The following COPB2 variants were observed in gnomAD, a reference collection of about 807,000 sequenced individuals.
COPB2 encodes the protein coat protein complex I subunit beta 2.
In COPB2, 16 loss-of-function variants were observed where a neutral mutation model predicts 120.8. That is an observed-to-expected ratio of 0.13 (90% CI 0.09 to 0.20). The LOEUF is 0.20. COPB2 is among the 10% of genes least tolerant of loss of function. COPB2 has a pLI of 1.00. For missense variants in COPB2, 794 were observed against 1,076.5 expected, an observed-to-expected ratio of 0.74 and a Z score of 3.67; for synonymous variants, 332 against 366.3, an observed-to-expected ratio of 0.91 and a Z score of 1.07.
chr3:139,364,309 C>A (rs1941478286), intron 15 of COPB2, among the ~76,000 whole-genome samples: 1 of 152,024 alleles, frequency 6.6e-6, no homozygotes. Flanking sequence ...CCCACCTCCC[C>A]TCTCTCACCT....
chr3:139,366,856 C>A, intron 14 of COPB2, 81 bp from the exon 15 acceptor site: 1 of 1,510,174 alleles, frequency 6.6e-7, no homozygotes, highest in Non-Finnish European at 9.1e-7. Context: ...CCCTCTTGCT[C>A]AAAACCTTCC....
intron 4 of COPB2, among the ~76,000 whole-genome samples, 184 bp from the exon 5 acceptor site, chr3:139,378,373 C>A (rs1299284611): frequency 2.0e-5 from 3 of 151,954 alleles, no homozygotes; most frequent in Middle Eastern, 3.4e-3. Flanking sequence ...TAACTCTCTA[C>A]AGAAAAGTGG....
intron 5 of COPB2, among the ~76,000 whole-genome samples, chr3:139,377,524 C>T (rs1352691960): frequency 6.6e-6 from 1 of 152,194 alleles, no homozygotes; most frequent in Non-Finnish European, 1.5e-5. Flanking sequence ...TAGGAGATGT[C>T]GCATAATATT....
intron 5 of COPB2, 60 bp downstream of exon 5, chr3:139,377,981 C>T: frequency 7.1e-7 from 1 of 1,402,608 alleles, no homozygotes; most frequent in Non-Finnish European, 9.5e-7. Flanking sequence ...AACAGTAAAA[C>T]ACCTAAGGCA....
At chr3:139,384,507 T>G (rs1052903334) in intron 1 of COPB2, among the ~76,000 whole-genome samples, 4 of 152,220 alleles carry the variant, frequency 2.6e-5, no homozygotes, top group African/African-American at 9.6e-5. Flanking sequence ...TTAAAAAATG[T>G]CGACCAAATA....
At position 139,364,285 on chromosome 3, in the gene COPB2, A is replaced by T. The variant is rs181133849; in HGVS notation, c.1885-1768T>A. 5.9e-5 allele frequency among the ~76,000 whole-genome samples: 9 copies of T among 152,212 alleles called. No individual in the cohort carries two copies. In the East Asian group the frequency reaches 1.7e-3, roughly 29 times the overall value. Reference sequence around the variant, plus strand: ...CCCTAAAAGCATTCAGAAACTCTAGATCCGCTCCCCTCTCCCACCTCCCCT... The same window carrying T: ...CCCTAAAAGCATTCAGAAACTCTAGTTCCGCTCCCCTCTCCCACCTCCCCT... On this transcript the variant is annotated intron_variant, in intron 15 of 21. Transcript: ENST00000333188.
At chr3:139,382,738 G>A (rs1431701844) in intron 2 of COPB2, 2 of 165,884 alleles carry the variant, frequency 1.2e-5, no homozygotes, top group Non-Finnish European at 2.6e-5. Context: ...TACAGTCTAG[G>A]AAGACTGGAA....
chr3:139,374,301 T>C (rs1460337066), intron 7 of COPB2, 188 bp downstream of exon 7: 2 of 154,812 alleles, frequency 1.3e-5, no homozygotes, highest in East Asian at 4.4e-5. Context: ...ATGATGACGA[T>C]GATGATGATG....
intron 15 of COPB2, 88 bp from the exon 16 acceptor site, chr3:139,362,605 G>A (rs1244924228): frequency 1.7e-6 from 1 of 601,328 alleles, no homozygotes; most frequent in Non-Finnish European, 2.5e-6. Flanking sequence ...CACATATACA[G>A]TGTACACACA....
At chr3:139,383,826 ATG>A (rs1941860338) in intron 1 of COPB2, among the ~76,000 whole-genome samples, 2 of 89,624 alleles carry the variant, frequency 2.2e-5, no homozygotes, top group African/African-American at 3.0e-5. Flanking sequence ...AATCCAGTAC[ATG>A]TTAATTAAAA....
intron 6 of COPB2, 67 bp downstream of exon 6, chr3:139,375,401 A>C (rs1314240250): frequency 2.8e-5 from 43 of 1,509,812 alleles, no homozygotes; most frequent in Non-Finnish European, 3.8e-5. Flanking sequence ...CCCAAGTCTT[A>C]ACTGTCCTAT....
rs188048092 is a variant in COPB2, at chr3:139,383,002, T to C, written c.141+296A>G. 4.0e-5 allele frequency: 14 copies of C among 350,590 alleles called. No homozygotes were observed. The East Asian group carries it at 8.8e-4, about 22-fold the overall frequency. 21.7% of individuals were successfully genotyped at this position (350,590 alleles called of 1,614,324 possible). A position where few individuals can be genotyped will look rare whatever the true frequency, so the allele number is the denominator to read the frequency against. ...ACTGAATGGAAAACTAACGATTAAATACTTTAGCAAGTGATTCTATAATAC... is the reference window on the plus strand; with the variant it reads ...ACTGAATGGAAAACTAACGATTAAACACTTTAGCAAGTGATTCTATAATAC... On this transcript the variant is annotated intron_variant, in intron 2 of 21. Coordinates refer to ENST00000333188, the MANE Select transcript of COPB2 (RefSeq NM_004766.3).
At chr3:139,366,061 T>G (rs1435916008) in intron 15 of COPB2, among the ~76,000 whole-genome samples, 1 of 152,122 alleles carries the variant, frequency 6.6e-6, no homozygotes, top group Non-Finnish European at 1.5e-5. Flanking sequence ...TATTTAGAGA[T>G]ATGGAAATAA....
intron 2 of COPB2, chr3:139,380,046 A>G (rs1576378037): frequency 8.0e-6 from 1 of 124,584 alleles, no homozygotes; most frequent in South Asian, 2.4e-4. Context: ...TTACTCTGTC[A>G]CCCAGGCTGA....
At chr3:139,388,626 GTT>G (rs35109875) in intron 1 of COPB2, among the ~76,000 whole-genome samples, 47 of 121,442 alleles carry the variant, frequency 3.9e-4, no homozygotes, top group South Asian at 5.6e-4. Flanking sequence ...TTCATAACAA[GTT>G]TTTTTTTTTT....
chr3:139,384,752 T>C (rs1386034706), intron 1 of COPB2, among the ~76,000 whole-genome samples: 6 of 152,230 alleles, frequency 3.9e-5, no homozygotes, highest in Admixed American at 2.0e-4. Flanking sequence ...AAATGACTTT[T>C]TAAAAAACTG....
In COPB2 at chr3:139,374,313, T is replaced by TGAC. The variant is rs113942183; in HGVS notation, c.751+175_751+176insGTC. 4,544 of 563,430 alleles carry TGAC rather than the reference T, an allele frequency of 8.1e-3. 145 individuals carry two copies. Among genetic ancestry groups the TGAC allele is most frequent in the African/African-American group, 0.076 (4,016 of 53,070 alleles). 34.9% of individuals were successfully genotyped at this position (563,430 alleles called of 1,614,324 possible). A position where few individuals can be genotyped will look rare whatever the true frequency, so the allele number is the denominator to read the frequency against. ...AGAATGATGACGATGATGATGATGA[T>TGAC]GATGATGATGATGATGAAAATAATG... is the stretch of plus-strand genomic sequence containing the variant. On this transcript the variant is annotated intron_variant, in intron 7 of 21. Transcript: ENST00000333188.
intron 1 of COPB2, among the ~76,000 whole-genome samples, chr3:139,387,706 A>G (rs1261380045): frequency 6.6e-6 from 1 of 152,214 alleles, no homozygotes; most frequent in African/African-American, 2.4e-5. Context: ...ATAACACAAG[A>G]CTAGAAAGCC....
intron 10 of COPB2, among the ~76,000 whole-genome samples, chr3:139,370,799 T>C (rs946903061): frequency 4.6e-5 from 7 of 152,240 alleles, no homozygotes; most frequent in African/African-American, 1.4e-4. Flanking sequence ...AGAGGTGTGC[T>C]GAGAGAAGGC....
Sources: allele counts gnomAD v4.1 joint callset (sites outside exome capture counted in the v4.1 genomes callset), GRCh38; gene constraint gnomAD v4.1.1; transcripts MANE v1.5; gene names NCBI Gene and HGNC (gene_info 2026-07-23, HGNC 2026-07-21).